Variants in ANKRD36 observed in about 807,000 individuals in gnomAD.
ANKRD36 encodes ankyrin repeat domain-containing protein 36A.
ANKRD36 carries 179 observed loss-of-function variants against 278.1 expected under a neutral mutation model. The observed-to-expected ratio is 0.64, with a 90% confidence interval of 0.57 to 0.73. ANKRD36 has a LOEUF of 0.73. ANKRD36 is among the 30% of genes least tolerant of loss of function. ANKRD36 has a pLI of 0.00. For synonymous variants in ANKRD36, 320 were observed against 641.1 expected (o/e 0.50, Z 7.57); for missense variants, 1,159 against 1,956.7 (o/e 0.59, Z 7.69).
At chr2:97,118,704 C>G in intron 3 of ANKRD36, 187 bp downstream of exon 3, 1 of 413,436 alleles carries the variant, frequency 2.4e-6, no homozygotes, top group East Asian at 3.5e-5. Flanking sequence ...TTATAGGGAA[C>G]AGCCTTTTTT....
intron 66 of ANKRD36, among the ~76,000 whole-genome samples, chr2:97,221,496 A>T (rs2067660874): frequency 2.6e-5 from 3 of 114,322 alleles, no homozygotes; most frequent in Non-Finnish European, 5.1e-5. Context: ...GATATCTCAT[A>T]GTGGTTTTGA....
rs1193302731 is a variant in ANKRD36 at position 97,189,982 on chromosome 2, T to C, written c.2245+692T>C. ...TTTTGTTACTATTAGGCATCAGAGA[T>C]ACATGTTTTGTTGACTTTACTTATA... On this transcript the variant is annotated intron_variant, in intron 34 of 75. Transcript: ENST00000420699. Among the ~76,000 whole-genome samples, 3 of 83,558 alleles carry C rather than the reference T, an allele frequency of 3.6e-5. No individual in the cohort carries two copies. The East Asian group carries it at 6.9e-4, about 19-fold the overall frequency. The allele number at this position is 83,558 out of a possible 152,430, so 54.8% of individuals were successfully genotyped here.
chr2:97,207,486 T>G (rs967842490), intron 52 of ANKRD36, among the ~76,000 whole-genome samples: 7 of 151,546 alleles, frequency 4.6e-5, no homozygotes, highest in Non-Finnish European at 8.9e-5. Flanking sequence ...GATTCTCAGG[T>G]GTATGAGTTG....
chr2:97,260,309 TTA>T (rs1452273474), intron 75 of ANKRD36, among the ~76,000 whole-genome samples: 1 of 119,114 alleles, frequency 8.4e-6, no homozygotes, highest in Non-Finnish European at 1.7e-5. Context: ...AGCTCTTGGG[TTA>T]TGAGTGCATT....
chr2:97,118,669 A>C, intron 3 of ANKRD36, 152 bp downstream of exon 3: 1 of 613,930 alleles, frequency 1.6e-6, no homozygotes, highest in Non-Finnish European at 2.5e-6. Flanking sequence ...ATTTTACTTT[A>C]AATATTGGAA....
chr2:97,177,782 C>G (rs2054766065), intron 22 of ANKRD36, among the ~76,000 whole-genome samples: 1 of 151,866 alleles, frequency 6.6e-6, no homozygotes, highest in Admixed American at 6.6e-5. Flanking sequence ...GACTTCATGT[C>G]TAAAACACCA....
chr2:97,227,763 G>A (rs1254940628), intron 67 of ANKRD36, among the ~76,000 whole-genome samples: 3 of 152,094 alleles, frequency 2.0e-5, no homozygotes, highest in Non-Finnish European at 4.4e-5. Context: ...TATGATATTG[G>A]CTGTGGGTTT....
intron 52 of ANKRD36, among the ~76,000 whole-genome samples, chr2:97,207,108 A>G (rs1172677407): frequency 1.3e-5 from 2 of 151,582 alleles, no homozygotes; most frequent in Non-Finnish European, 3.0e-5. Context: ...CAAAATTGAT[A>G]ATTGATGATA....
intron 58 of ANKRD36, among the ~76,000 whole-genome samples, chr2:97,211,996 G>A (rs2064789322): frequency 6.6e-6 from 1 of 151,820 alleles, no homozygotes; most frequent in African/African-American, 2.4e-5. Context: ...CACATAACAG[G>A]CTCAGGGGAC....
chr2:97,202,285 T>C, intron 47 of ANKRD36, 36 bp from the exon 48 acceptor site: 2 of 1,600,252 alleles, frequency 1.2e-6, no homozygotes, highest in East Asian at 4.6e-5. Context: ...CTATGAAACA[T>C]ACTTTATTTA....
intron 75 of ANKRD36, among the ~76,000 whole-genome samples, chr2:97,258,893 A>G (rs1420104710): frequency 2.1e-5 from 3 of 142,114 alleles, no homozygotes; most frequent in African/African-American, 7.4e-5. Flanking sequence ...TTCATACCTC[A>G]ATGTTGTCAT....
intron 56 of ANKRD36, among the ~76,000 whole-genome samples, chr2:97,210,227 T>C (rs2064050719): frequency 6.6e-6 from 1 of 151,854 alleles, no homozygotes; most frequent in Non-Finnish European, 1.5e-5. Flanking sequence ...CGTCACATCG[T>C]ACTGCTAAAA....
chr2:97,210,203 A>G (rs2064037691), intron 56 of ANKRD36, among the ~76,000 whole-genome samples: 1 of 151,846 alleles, frequency 6.6e-6, no homozygotes, highest in Non-Finnish European at 1.5e-5. Context: ...GAGAGGAAGT[A>G]TAGATTTTAC....
At chr2:97,231,527 T>C (rs2072091282) in intron 67 of ANKRD36, among the ~76,000 whole-genome samples, 1 of 152,148 alleles carries the variant, frequency 6.6e-6, no homozygotes, top group Non-Finnish European at 1.5e-5. Context: ...ATTTTCCAGG[T>C]GCTGTCTGTC....
At position 97,190,970 on chromosome 2, in the gene ANKRD36, C is replaced by G. The variant is rs901299538; in HGVS notation, c.2246-8C>G. The G allele has an allele frequency of 6.2e-7, 1 of 1,602,876 alleles. No homozygotes were observed. The highest frequency in any genetic ancestry group is 8.5e-7 in the Non-Finnish European group (1 of 1,174,790). On this transcript the variant is annotated splice_polypyrimidine_tract_variant and splice_region_variant and intron_variant, in intron 34 of 75. Coordinates refer to ENST00000420699, the MANE Select transcript of ANKRD36 (RefSeq NM_001354587.1). ...ATGAGTGATTATGTATCCCTTTTTGCTTTTCAGTGTCTTCTCAGAAACAAC... is the reference window on the plus strand; with the variant it reads ...ATGAGTGATTATGTATCCCTTTTTGGTTTTCAGTGTCTTCTCAGAAACAAC...
At chr2:97,216,971 A>T (rs1558863888) in intron 62 of ANKRD36, 4 of 1,195,458 alleles carry the variant, frequency 3.3e-6, no homozygotes, top group Non-Finnish European at 4.7e-6. Context: ...CCATGCTTGA[A>T]ATTGTAAGTA....
chr2:97,231,209 GCTGT>G (rs1201345482), intron 67 of ANKRD36, among the ~76,000 whole-genome samples: 4 of 152,126 alleles, frequency 2.6e-5, no homozygotes, highest in African/African-American at 9.6e-5. Flanking sequence ...AGAGGTTACT[GCTGT>G]CTTTTTGTTT....
chr2:97,202,105 G>A, intron 46 of ANKRD36, 97 bp from the exon 47 acceptor site: 2 of 1,581,196 alleles, frequency 1.3e-6, no homozygotes, highest in Non-Finnish European at 1.7e-6. Flanking sequence ...TGCTAATACA[G>A]GCAGGAGGAC....
At position 97,211,680 on chromosome 2, in the gene ANKRD36, C is replaced by T. The variant is rs1350718307; in HGVS notation, c.3408C>T (p.Asp1136=). Residue 1136 remains aspartate (D), a synonymous_variant, in exon 58 of 76, where the codon GAC becomes GAT. Coordinates refer to ENST00000420699, the MANE Select transcript of ANKRD36 (RefSeq NM_001354587.1). ...PKQPALKAIC[D]KEDSVPNMAT... The stretch of plus-strand genomic sequence containing the variant: ...CAAATTCTATTCAGGCTATCTGTGA[C>T]AAGGAAGATTCTGTTCCGAATATGG... 26 of 1,594,268 alleles carry T rather than the reference C, an allele frequency of 1.6e-5. No individual in the cohort carries two copies. The highest frequency in any genetic ancestry group is 2.1e-5 in the Non-Finnish European group (25 of 1,171,728).
Sources: gnomAD v4.1 joint callset for allele counts (sites outside exome capture counted in the v4.1 genomes callset) on GRCh38, gnomAD v4.1.1 for gene constraint, MANE v1.5 for transcripts, NCBI Gene and HGNC (gene_info 2026-07-23, HGNC 2026-07-21) for gene names.